The following NBR1 variants were observed in gnomAD, a reference collection of about 807,000 sequenced individuals.
NBR1 encodes the protein NBR1 autophagy cargo receptor, also known as next to BRCA1 gene 1 protein.
Under a neutral mutation model 115.5 loss-of-function variants are expected in NBR1, and 59 were observed. That is an observed-to-expected ratio of 0.51 (90% CI 0.41 to 0.63). The LOEUF is 0.63. NBR1 is among the 30% of genes least tolerant of loss of function. The pLI, the probability that NBR1 is intolerant of heterozygous loss-of-function variation, is 0.00. For missense variants in NBR1, 1,043 were observed against 1,150.5 expected (o/e 0.91, Z 1.35); for synonymous variants, 373 against 414.7 (o/e 0.90, Z 1.22).
At position 43,194,368 on chromosome 17, in the gene NBR1, A is replaced by G. The variant is rs745411896; in HGVS notation, c.1543A>G (p.Lys515Glu). 1.9e-6 allele frequency: 3 copies of G among 1,613,370 alleles called. No individual in the cohort carries two copies. The highest frequency in any genetic ancestry group is 1.7e-6 in the Non-Finnish European group (2 of 1,179,662). Reference protein sequence around the residue: ...CQQEETFLLAKEERQLGEVTE... With the variant: ...CQQEETFLLAEEERQLGEVTE... ...TCTATAGGAAACTTTTCTTCTGGCTAAAGAAGAAAGACAGCTTGGTGAAGT... is the reference window on the plus strand; with the variant it reads ...TCTATAGGAAACTTTTCTTCTGGCTGAAGAAGAAAGACAGCTTGGTGAAGT... Residue 515 changes from lysine to glutamate, a missense_variant, in exon 13 of 21, where the codon AAA (lysine) becomes GAA (glutamate). Physicochemically the swap from Lys to Glu is moderately conservative, Grantham distance 56 (BLOSUM62 1). Transcript: ENST00000590996.
rs756124525 is a variant in NBR1, at chr17:43,193,566, A to G, written c.1452A>G (p.Glu484=). ...TCATAGTAGATCCTTTCCCCTCCGA[A>G]GAGAGCCCTGATAACATTGAAAAGG... ...CSIIVDPFPS[E]ESPDNIEKGM... is the part of the protein sequence containing the mutation. Residue 484 remains glutamate (E), a synonymous_variant, in exon 12 of 21, where the codon GAA becomes GAG. Transcript: ENST00000590996. 25 of 1,612,646 alleles carry G rather than the reference A, an allele frequency of 1.6e-5. No homozygotes were observed. The highest frequency in any genetic ancestry group is 1.6e-4 in the Middle Eastern group (1 of 6,062).
chr17:43,208,212 A>G (rs1775767225), intron 20 of NBR1, among the ~76,000 whole-genome samples: 1 of 152,240 alleles, frequency 6.6e-6, no homozygotes, highest in Non-Finnish European at 1.5e-5. Flanking sequence ...AAGCTAGGAT[A>G]CATAAGACAA....
Position 43,200,534 on chromosome 17 carries a change from C to A in NBR1, c.2394C>A (p.Ile798=), listed in dbSNP as rs770580436. ...CACAGGAGCACAGCATAAGTGACAT[C>A]CTCACGACCTCACAGACTCTGGAAA... ...NQPQEHSISD[I]LTTSQTLETV... The change falls in exon 17 of 21, where the codon ATC becomes ATA. Residue 798 remains isoleucine, a synonymous_variant. Transcript: ENST00000590996. The A allele has an allele frequency of 3.1e-6, 5 of 1,613,992 alleles. No individual in the cohort carries two copies. The East Asian group carries it at 1.1e-4, about 36-fold the overall frequency.
intron 20 of NBR1, chr17:43,209,456 G>T: frequency 1.1e-6 from 1 of 906,552 alleles, no homozygotes; most frequent in African/African-American, 1.7e-5. Context: ...TTTTTGTCCA[G>T]CTCCTCTGCA....
chr17:43,192,168 A>G (rs2056964176), intron 10 of NBR1, among the ~76,000 whole-genome samples: 1 of 148,170 alleles, frequency 6.7e-6, no homozygotes, highest in Admixed American at 6.8e-5. Context: ...TTACAGGTGC[A>G]TGCCACCATG....
At chr17:43,209,322 C>T (rs570237689) in intron 20 of NBR1, among the ~76,000 whole-genome samples, 53 of 152,060 alleles carry the variant, frequency 3.5e-4, no homozygotes, top group African/African-American at 1.2e-3. Flanking sequence ...ATGATCCGCC[C>T]GCCTCAGCCT....
Position 43,209,752 on chromosome 17 carries a change from G to C in NBR1, c.2728-149G>C. On this transcript the variant is annotated intron_variant, in intron 20 of 20. Transcript: ENST00000590996. ...CGAACCGTTGGTATCAAGTACACAG[G>C]AGTGCCATAGCCTTGAATCTAATTA... The C allele has an allele frequency of 2.0e-6, 3 of 1,502,060 alleles. No homozygotes were observed. In the East Asian group the frequency reaches 7.4e-5, roughly 37 times the overall value. 93.0% of individuals were successfully genotyped at this position (1,502,060 alleles called of 1,614,324 possible). A position where few individuals can be genotyped will look rare whatever the true frequency, so the allele number is the denominator to read the frequency against.
chr17:43,187,470 G>GC (rs2056839832), intron 6 of NBR1, among the ~76,000 whole-genome samples: 1 of 143,158 alleles, frequency 7.0e-6, no homozygotes, highest in African/African-American at 2.6e-5. Flanking sequence ...GTGAGCCACC[G>GC]CGCCCGGCCT....
intron 14 of NBR1, 56 bp downstream of exon 14, chr17:43,195,095 A>G: frequency 1.5e-6 from 2 of 1,321,792 alleles, no homozygotes; most frequent in Non-Finnish European, 2.2e-6. Flanking sequence ...CAAAAGTACC[A>G]CAGCCTAGAC....
rs1456353375 is a variant in NBR1 at position 43,175,915 on chromosome 17, T to C, written c.102+14T>C. ...ATCGAAGCTATGGTGAGTGTTACTT[T>C]ATTTTGTTTCTCCTTGGTTTAAGCA... On this transcript the variant is annotated intron_variant, in intron 2 of 20. Transcript: ENST00000590996. 2 of 1,443,510 alleles carry C rather than the reference T, an allele frequency of 1.4e-6. No individual in the cohort carries two copies. The highest frequency in any genetic ancestry group is 1.9e-6 in the Non-Finnish European group (2 of 1,030,572). The allele number at this position is 1,443,510 out of a possible 1,614,324, so 89.4% of individuals were successfully genotyped here. A position where few individuals can be genotyped will look rare whatever the true frequency, so the allele number is the denominator to read the frequency against.
At chr17:43,182,756 T>C (rs2056704538) in intron 5 of NBR1, among the ~76,000 whole-genome samples, 1 of 151,814 alleles carries the variant, frequency 6.6e-6, no homozygotes, top group Admixed American at 6.6e-5. Context: ...TAGTTACCCA[T>C]TGAATGCTTT....
At chr17:43,179,443 G>A (rs11653231) in intron 4 of NBR1, 31 bp downstream of exon 4, 542,424 of 1,598,964 alleles carry the variant, frequency 0.34, 94,697 homozygotes, top group South Asian at 0.5. Context: ...GTTCAGCCTT[G>A]TTTAAAAACC....
At chr17:43,185,526 C>T (rs1363573976) in intron 5 of NBR1, among the ~76,000 whole-genome samples, 1 of 151,932 alleles carries the variant, frequency 6.6e-6, no homozygotes, top group Non-Finnish European at 1.5e-5. Flanking sequence ...CAGTGAGACT[C>T]CTGTCTCCAA....
chr17:43,186,489 C>CT (rs2056805988), intron 6 of NBR1, 45 bp downstream of exon 6: 1 of 1,385,104 alleles, frequency 7.2e-7, no homozygotes, highest in Admixed American at 3.6e-5. Context: ...TTTCTTTTTT[C>CT]TTTTTTAAAT....
intron 18 of NBR1, among the ~76,000 whole-genome samples, 173 bp from the exon 19 acceptor site, chr17:43,202,482 T>C (rs1190771614): frequency 1.3e-5 from 2 of 151,360 alleles, no homozygotes; most frequent in Non-Finnish European, 2.9e-5. Context: ...GGACAGTTTC[T>C]CCTTATCACT....
At chr17:43,188,997 A>G (rs1166467991) in intron 6 of NBR1, 45 bp from the exon 7 acceptor site, 2 of 1,295,260 alleles carry the variant, frequency 1.5e-6, no homozygotes, top group South Asian at 1.2e-5. Context: ...AGTATTTTAA[A>G]TAGAAAAAGT....
chr17:43,195,422 C>T (rs572787936), intron 14 of NBR1: 37 of 234,004 alleles, frequency 1.6e-4, no homozygotes, highest in Admixed American at 1.1e-3. Flanking sequence ...GAGGCTGAGA[C>T]GGGCAGATCA....
At chr17:43,192,665 G>A (rs2056976784) in intron 10 of NBR1, among the ~76,000 whole-genome samples, 1 of 152,140 alleles carries the variant, frequency 6.6e-6, no homozygotes. Context: ...CACCGCGCCT[G>A]GCCAAGTTTC....
In NBR1 at chr17:43,178,042, G is replaced by A. The variant is rs764264195; in HGVS notation, c.165+44G>A. ...CTTATTGCTAGGTGTTCAGAATAGG[G>A]ATCTTATTTCTCCAGTGATATGGGC... On this transcript the variant is annotated intron_variant, in intron 3 of 20. Coordinates refer to ENST00000590996, the MANE Select transcript of NBR1 (RefSeq NM_005899.5). 17 of 1,549,538 alleles carry A rather than the reference G, an allele frequency of 1.1e-5. No individual in the cohort carries two copies. In the African/African-American group the frequency reaches 2.3e-4, roughly 21 times the overall value.
Sources: gnomAD v4.1 joint callset for allele counts (sites outside exome capture counted in the v4.1 genomes callset) on GRCh38, gnomAD v4.1.1 for gene constraint, MANE v1.5 for transcripts, NCBI Gene and HGNC (gene_info 2026-07-23, HGNC 2026-07-21) for gene names.